PRRX1: variants seen among roughly 807,000 people sequenced by gnomAD.
PRRX1 encodes paired mesoderm homeobox protein 1.
A neutral mutation model predicts 24.0 loss-of-function variants in PRRX1; 8 were observed. The ratio of observed to expected loss-of-function variants is 0.33; its 90% CI spans 0.20 to 0.60. The LOEUF (loss-of-function observed/expected upper bound fraction) is 0.60. PRRX1 is among the 20% of genes least tolerant of loss of function. The probability of loss-of-function intolerance (pLI) is 0.82; values close to 1 mark genes in which losing one functional copy is unlikely to be tolerated. For synonymous variants in PRRX1, 160 were observed against 131.7 expected, an observed-to-expected ratio of 1.22 and a Z score of -1.47; for missense variants, 281 against 322.4, an observed-to-expected ratio of 0.87 and a Z score of 0.98.
At chr1:170,720,126 T>C (rs1655033136) in intron 2 of PRRX1, among the ~76,000 whole-genome samples, 1 of 151,638 alleles carries the variant, frequency 6.6e-6, no homozygotes. Context: ...AATAAATAAA[T>C]AAACAGCCAG....
In PRRX1 at chr1:170,726,356, C is replaced by T. The variant is rs770288919; in HGVS notation, c.554C>T (p.Pro185Leu). 4.3e-6 allele frequency: 7 copies of T among 1,613,982 alleles called. No homozygotes were observed. The African/African-American group carries it at 5.3e-5, about 12-fold the overall frequency. ...CAGCCCATCGTACCTCGTCCTGCTC[C>T]GAGACCCACCGATTATCTCTCCTGG... is the stretch of plus-strand genomic sequence containing the variant. Reference protein sequence around the residue: ...VEQPIVPRPAPRPTDYLSWGT... With the variant: ...VEQPIVPRPALRPTDYLSWGT... The change falls in exon 3 of 4, where the codon CCG (proline) becomes CTG (leucine). Residue 185 changes from proline to leucine, a missense_variant. Physicochemically the swap from Pro to Leu is moderately conservative, Grantham distance 98. Transcript: ENST00000239461.
rs979972817 is a variant in PRRX1 at position 170,739,225 on chromosome 1, C to A, written c.*3039C>A. 3 of 199,788 alleles carry A rather than the reference C, an allele frequency of 1.5e-5. No individual in the cohort carries two copies. Among genetic ancestry groups the A allele is most frequent in the Non-Finnish European group, 3.1e-5 (3 of 96,722 alleles). The allele number at this position is 199,788 out of a possible 1,614,324, so 12.4% of individuals were successfully genotyped here. A position where few individuals can be genotyped will look rare whatever the true frequency, so the allele number is the denominator to read the frequency against. On this transcript the variant is annotated 3_prime_UTR_variant, in exon 4 of 4. Coordinates refer to ENST00000239461, the MANE Select transcript of PRRX1 (RefSeq NM_022716.4). ...AGATGCTGATTTGTAGGGTACTTGGCAGGTTAAATTAAACCAGAAGAGGTG... is the reference window on the plus strand; with the variant it reads ...AGATGCTGATTTGTAGGGTACTTGGAAGGTTAAATTAAACCAGAAGAGGTG...
At chr1:170,672,712 G>A in intron 1 of PRRX1, among the ~76,000 whole-genome samples, 1 of 152,194 alleles carries the variant, frequency 6.6e-6, no homozygotes, top group Middle Eastern at 3.2e-3. Context: ...GCTTGAATAT[G>A]GGCAAAGTGT....
At chr1:170,681,618 G>A (rs532192812) in intron 1 of PRRX1, among the ~76,000 whole-genome samples, 14 of 152,294 alleles carry the variant, frequency 9.2e-5, no homozygotes, top group Admixed American at 2.0e-4. Flanking sequence ...TACTAGAGAA[G>A]AAACAGGTGA....
In PRRX1 at chr1:170,736,064, T is replaced by C. The variant is rs748638512; in HGVS notation, c.616T>C (p.Ser206Pro). Residue 206 changes from serine to proline, a missense_variant, in exon 4 of 4, where the codon TCT (serine) becomes CCT (proline). Ser to Pro is a moderately conservative substitution (Grantham distance 74). Coordinates refer to ENST00000239461, the MANE Select transcript of PRRX1 (RefSeq NM_022716.4). Reference sequence around the variant, plus strand: ...TCCCTACAGCGCCATGGCTACTTATTCTGCCACATGTGCCAACAATAGCCC... The same window carrying C: ...TCCCTACAGCGCCATGGCTACTTATCCTGCCACATGTGCCAACAATAGCCC... The part of the protein sequence containing the change: ...ASPYSAMATY[S>P]ATCANNSPAQ... 2 of 1,614,100 alleles carry C rather than the reference T, an allele frequency of 1.2e-6. No homozygotes were observed. The highest frequency in any genetic ancestry group is 2.2e-5 in the South Asian group (2 of 91,080).
At position 170,702,849 on chromosome 1, in the gene PRRX1, G is replaced by A. The variant is rs186743728; in HGVS notation, c.242-16877G>A. Reference sequence around the variant, plus strand: ...AGGTTGCAGCATTTCAATAATTTACGATGTTGGGTGAAATGGATGGGTAGA... The same window carrying A: ...AGGTTGCAGCATTTCAATAATTTACAATGTTGGGTGAAATGGATGGGTAGA... On this transcript the variant is annotated intron_variant, in intron 1 of 3. Transcript: ENST00000239461. Among the ~76,000 whole-genome samples the A allele has an allele frequency of 2.6e-5, 4 of 152,278 alleles. No homozygotes were observed. In the East Asian group the frequency reaches 5.8e-4, roughly 22 times the overall value.
Position 170,667,185 on chromosome 1 carries a change from G to A in PRRX1, c.241+2726G>A, listed in dbSNP as rs188403434. Among the ~76,000 whole-genome samples the A allele has an allele frequency of 6.6e-5, 10 of 152,244 alleles. No homozygotes were observed. In the East Asian group the frequency reaches 1.9e-3, roughly 30 times the overall value. ...CTGAGGCTCAGAAAGAGGATGCTCTGCGGAAGCATGATCAAGAGACAGCTT... is the reference window on the plus strand; with the variant it reads ...CTGAGGCTCAGAAAGAGGATGCTCTACGGAAGCATGATCAAGAGACAGCTT... On this transcript the variant is annotated intron_variant, in intron 1 of 3. Transcript: ENST00000239461.
chr1:170,692,760 C>CACACACACAG (rs1394319673), intron 1 of PRRX1, among the ~76,000 whole-genome samples: 1 of 151,778 alleles, frequency 6.6e-6, no homozygotes, highest in African/African-American at 2.4e-5. Flanking sequence ...CACACACACA[C>CACACACACAG]ACAGACACAC....
intron 3 of PRRX1, among the ~76,000 whole-genome samples, chr1:170,729,538 G>A (rs561075345): frequency 1.3e-5 from 2 of 152,300 alleles, no homozygotes; most frequent in African/African-American, 4.8e-5. Context: ...TCATGGATGT[G>A]TAATTTATTG....
In PRRX1 at chr1:170,726,406, A is replaced by G. The variant is rs1283717752; in HGVS notation, c.599+5A>G. ...GGGGACAGCGTCTCCGTACAGGTGA[A>G]TGACTGGCCCACTCTCCCTTGCTCC... On this transcript the variant is annotated splice_donor_5th_base_variant and intron_variant, in intron 3 of 3. Coordinates refer to ENST00000239461, the MANE Select transcript of PRRX1 (RefSeq NM_022716.4). The G allele has an allele frequency of 6.2e-7, 1 of 1,613,368 alleles. No homozygotes were observed. The highest frequency in any genetic ancestry group is 8.5e-7 in the Non-Finnish European group (1 of 1,179,494).
intron 1 of PRRX1, among the ~76,000 whole-genome samples, chr1:170,700,945 A>G (rs1271436484): frequency 2.0e-5 from 3 of 152,156 alleles, no homozygotes; most frequent in African/African-American, 7.2e-5. Flanking sequence ...CATTCCTGAG[A>G]AGTCTATTTT....
At chr1:170,693,480 A>G (rs755816026) in intron 1 of PRRX1, among the ~76,000 whole-genome samples, 1 of 152,058 alleles carries the variant, frequency 6.6e-6, no homozygotes, top group Non-Finnish European at 1.5e-5. Context: ...AGCCTTTCTT[A>G]TGAAGGGTAC....
At position 170,709,706 on chromosome 1, in the gene PRRX1, G is replaced by A. The variant is rs561437802; in HGVS notation, c.242-10020G>A. 9.2e-5 allele frequency among the ~76,000 whole-genome samples: 14 copies of A among 152,206 alleles called. No individual in the cohort carries two copies. In the East Asian group the frequency reaches 9.7e-4, roughly 11 times the overall value. On this transcript the variant is annotated intron_variant, in intron 1 of 3. Coordinates refer to ENST00000239461, the MANE Select transcript of PRRX1 (RefSeq NM_022716.4). ...TTCTCTCTACTCAGAGCATCTCATC[G>A]CTTGGCATGTAGGTGCTCAATAGAT...
intron 1 of PRRX1, among the ~76,000 whole-genome samples, chr1:170,685,156 A>C (rs1653687812): frequency 6.6e-6 from 1 of 152,236 alleles, no homozygotes; most frequent in Admixed American, 6.5e-5. Context: ...TTTGAGGTTT[A>C]TCTCTTCTTT....
At chr1:170,705,402 C>T (rs1654524919) in intron 1 of PRRX1, among the ~76,000 whole-genome samples, 2 of 152,152 alleles carry the variant, frequency 1.3e-5, no homozygotes, top group African/African-American at 4.8e-5. Context: ...CCCACCTCAG[C>T]CTCCCAGGTA....
Position 170,726,367 on chromosome 1 carries a change from G to C in PRRX1, c.565G>C (p.Asp189His). 6.2e-7 allele frequency: 1 copy of C among 1,614,066 alleles called. No individual in the cohort carries two copies. The highest frequency in any genetic ancestry group is 2.2e-5 in the East Asian group (1 of 44,870). The change falls in exon 3 of 4, where the codon GAT (aspartate) becomes CAT (histidine). Residue 189 changes from aspartate (D) to histidine (H), a missense_variant. Transcript: ENST00000239461. ...IVPRPAPRPTDYLSWGTASPY... is the reference protein window; with the variant it reads ...IVPRPAPRPTHYLSWGTASPY... ...ACCTCGTCCTGCTCCGAGACCCACCGATTATCTCTCCTGGGGGACAGCGTC... is the reference window on the plus strand; with the variant it reads ...ACCTCGTCCTGCTCCGAGACCCACCCATTATCTCTCCTGGGGGACAGCGTC...
intron 1 of PRRX1, among the ~76,000 whole-genome samples, chr1:170,705,917 GAC>G (rs72161621): frequency 1.2e-4 from 15 of 123,668 alleles, no homozygotes; most frequent in Admixed American, 9.5e-4. Flanking sequence ...TACCCACATA[GAC>G]ACACACACAC....
intron 1 of PRRX1, among the ~76,000 whole-genome samples, chr1:170,703,209 A>G (rs931952497): frequency 6.6e-6 from 1 of 152,184 alleles, no homozygotes; most frequent in Non-Finnish European, 1.5e-5. Flanking sequence ...TAGGAAGAAA[A>G]TTTTATAACC....
intron 3 of PRRX1, chr1:170,729,061 G>A (rs946623801): frequency 6.6e-6 from 1 of 152,216 alleles, no homozygotes; most frequent in Non-Finnish European, 1.5e-5. Context: ...TGCTTCCAAA[G>A]AAGAGACTAA....
Sources: gnomAD v4.1 joint callset for allele counts (sites outside exome capture counted in the v4.1 genomes callset) on GRCh38, gnomAD v4.1.1 for gene constraint, MANE v1.5 for transcripts, NCBI Gene and HGNC (gene_info 2026-07-23, HGNC 2026-07-21) for gene names.